Variants in SNPH observed in about 807,000 individuals in gnomAD.
SNPH encodes syntaphilin.
Under a neutral mutation model 36.8 loss-of-function variants are expected in SNPH, and 10 were observed. The observed-to-expected ratio is 0.27, with a 90% CI of 0.17 to 0.46. The LOEUF (loss-of-function observed/expected upper bound fraction) is 0.46, where lower values mean the gene tolerates loss of function less well. Ranked by LOEUF, SNPH falls within the 20% of genes least tolerant of loss-of-function variation. The probability of loss-of-function intolerance (pLI) is 1.00; values close to 1 mark genes in which losing one functional copy is unlikely to be tolerated. For synonymous variants in SNPH, 281 were observed against 312.2 expected (o/e 0.90, Z 1.05); for missense variants, 622 against 744.0 (o/e 0.84, Z 1.91).
chr20:1,306,339 C>G lies in SNPH; in HGVS notation c.*285C>G, dbSNP rs758132158. ...GCGAGGGCCAACCCGGCCCCTCTGT[C>G]CCCTTGGCTCTTCAGACAGGGCCAG... On this transcript the variant is annotated 3_prime_UTR_variant, in exon 7 of 7. Transcript: ENST00000381867. The G allele has an allele frequency of 1.2e-5, 4 of 344,550 alleles. No homozygotes were observed. Among genetic ancestry groups the G allele is most frequent in the African/African-American group, 2.1e-5 (1 of 46,766 alleles). 21.3% of individuals were successfully genotyped at this position (344,550 alleles called of 1,614,324 possible).
chr20:1,297,935 C>A (rs1054975786), intron 5 of SNPH, among the ~76,000 whole-genome samples: 1 of 152,134 alleles, frequency 6.6e-6, no homozygotes, highest in Non-Finnish European at 1.5e-5. Flanking sequence ...GCTTGGAAGG[C>A]GAAATGTTAC....
chr20:1,300,745 C>T (rs1426850090), intron 6 of SNPH, 34 bp downstream of exon 6: 3 of 1,583,760 alleles, frequency 1.9e-6, no homozygotes, highest in Non-Finnish European at 2.6e-6. Flanking sequence ...CCTGGGGGTA[C>T]CCCACCAGCT....
At chr20:1,289,734 C>A (rs2088332816) in intron 2 of SNPH, among the ~76,000 whole-genome samples, 1 of 151,278 alleles carries the variant, frequency 6.6e-6, no homozygotes, top group East Asian at 1.9e-4. Flanking sequence ...AAGGCTGAGG[C>A]AGAAGGATCG....
chr20:1,280,234 A>G (rs2088200848), intron 2 of SNPH, among the ~76,000 whole-genome samples: 1 of 152,040 alleles, frequency 6.6e-6, no homozygotes, highest in African/African-American at 2.4e-5. Flanking sequence ...GCACATATAC[A>G]TGTAGGCTCA....
At chr20:1,277,594 C>CTA (rs2088150689) in intron 2 of SNPH, among the ~76,000 whole-genome samples, 1 of 101,322 alleles carries the variant, frequency 9.9e-6, no homozygotes, top group African/African-American at 3.9e-5. Context: ...GTGTCAGTGT[C>CTA]TGTCTCTGTG....
intron 6 of SNPH, among the ~76,000 whole-genome samples, chr20:1,303,958 C>T (rs749900839): frequency 6.6e-6 from 1 of 152,122 alleles, no homozygotes; most frequent in Non-Finnish European, 1.5e-5. Flanking sequence ...GTTAATCAGT[C>T]GCCATTCTGT....
At chr20:1,292,775 C>A (rs2088378334) in intron 2 of SNPH, among the ~76,000 whole-genome samples, 1 of 152,326 alleles carries the variant, frequency 6.6e-6, no homozygotes, top group Non-Finnish European at 1.5e-5. Flanking sequence ...GAGCAGCCAG[C>A]TGTCACTCAC....
chr20:1,300,480 G>A (rs2088492286), intron 5 of SNPH, 82 bp from the exon 6 acceptor site: 1 of 1,488,744 alleles, frequency 6.7e-7, no homozygotes, highest in Non-Finnish European at 9.3e-7. Flanking sequence ...TGAGGCTGGT[G>A]TCCCCTTGCT....
Position 1,307,554 on chromosome 20 carries a change from C to T in SNPH, c.*1500C>T, listed in dbSNP as rs1253163262. ...GGTTGGAGGGACCCTGTGTCTTACT[C>T]GCCCCTCTGGCCTAAGGGCCACTCT... On this transcript the variant is annotated 3_prime_UTR_variant, in exon 7 of 7. Transcript: ENST00000381867. 6.6e-6 allele frequency: 1 copy of T among 152,542 alleles called. No homozygotes were observed. The highest frequency in any genetic ancestry group is 2.4e-5 in the African/African-American group (1 of 41,474). 9.4% of individuals were successfully genotyped at this position (152,542 alleles called of 1,614,324 possible).
chr20:1,288,746 C>T (rs1294437788), intron 2 of SNPH, among the ~76,000 whole-genome samples: 1 of 151,760 alleles, frequency 6.6e-6, no homozygotes, highest in Non-Finnish European at 1.5e-5. Context: ...CTCAGCATCC[C>T]GAGTAACTGA....
At chr20:1,287,493 G>GCT (rs1246704618) in intron 2 of SNPH, among the ~76,000 whole-genome samples, 1 of 152,092 alleles carries the variant, frequency 6.6e-6, no homozygotes, top group Non-Finnish European at 1.5e-5. Context: ...CCAAGCCCAG[G>GCT]CTCTGTCCCT....
intron 5 of SNPH, among the ~76,000 whole-genome samples, chr20:1,298,962 T>A (rs941634742): frequency 1.3e-5 from 2 of 151,890 alleles, no homozygotes; most frequent in Non-Finnish European, 2.9e-5. Flanking sequence ...AGTTACTTCC[T>A]CTCTAATCCT....
Position 1,307,569 on chromosome 20 carries a change from AG to A in SNPH, c.*1518del, listed in dbSNP as rs1311083606. 2.0e-5 allele frequency: 3 copies of A among 152,602 alleles called. No individual in the cohort carries two copies. The highest frequency in any genetic ancestry group is 4.4e-5 in the Non-Finnish European group (3 of 68,198). 9.5% of individuals were successfully genotyped at this position (152,602 alleles called of 1,614,324 possible). On this transcript the variant is annotated 3_prime_UTR_variant, in exon 7 of 7. Transcript: ENST00000381867. ...GTGTCTTACTCGCCCCTCTGGCCTA[AG>A]GGCCACTCTGGTTATCTGCCAAGGT...
At chr20:1,275,372 C>T (rs996989441) in intron 2 of SNPH, among the ~76,000 whole-genome samples, 2 of 152,276 alleles carry the variant, frequency 1.3e-5, no homozygotes, top group Middle Eastern at 3.4e-3. Flanking sequence ...TCTCTATGGG[C>T]CTCGATTGCT....
Position 1,304,514 on chromosome 20 carries a change from T to TA in SNPH, c.441-360dup, listed in dbSNP as rs1367095744. The stretch of plus-strand genomic sequence containing the variant: ...TATTAGGTTTTTATAGCAGTAGCTA[T>TA]AAAACTTATGAGCATCTTTGTTGTC... On this transcript the variant is annotated intron_variant, in intron 6 of 6. Transcript: ENST00000381867. This position sits in a 1 kb window ranked among gnomAD's most constrained non-coding sequence, Gnocchi z 4.3. 2.6e-5 allele frequency among the ~76,000 whole-genome samples: 4 copies of TA among 151,468 alleles called. No individual in the cohort carries two copies. The highest frequency in any genetic ancestry group is 5.9e-5 in the Non-Finnish European group (4 of 67,954).
chr20:1,284,859 G>A (rs756901574), intron 2 of SNPH, among the ~76,000 whole-genome samples: 2 of 152,152 alleles, frequency 1.3e-5, no homozygotes, highest in Non-Finnish European at 2.9e-5. Context: ...TTGAAAGGAA[G>A]GACCGTTGGA....
At chr20:1,292,969 C>T (rs1047338670) in intron 2 of SNPH, among the ~76,000 whole-genome samples, 1 of 152,214 alleles carries the variant, frequency 6.6e-6, no homozygotes, top group Non-Finnish European at 1.5e-5. Flanking sequence ...TTCCAAAATA[C>T]TGGCTGCCCC....
At chr20:1,270,203 A>T (rs1390726960) in intron 2 of SNPH, among the ~76,000 whole-genome samples, 4 of 152,202 alleles carry the variant, frequency 2.6e-5, no homozygotes, top group African/African-American at 9.7e-5. Flanking sequence ...GTCCTTATTT[A>T]TTAGCTAGGC....
chr20:1,294,235 C>T lies in SNPH; in HGVS notation c.-492-716C>T, dbSNP rs182573174. 2.5e-3 allele frequency among the ~76,000 whole-genome samples: 379 copies of T among 152,250 alleles called. 5 individuals carry two copies. The highest frequency in any genetic ancestry group is 8.5e-3 in the African/African-American group (355 of 41,538). ...AAGGATTGCTGCTTCAAGTAATGGG[C>T]CAAGGCAGACGAGAGCACTCAGCAT... On this transcript the variant is annotated intron_variant, in intron 2 of 6. Transcript: ENST00000381867. The surrounding 1 kb of genome is among the most constrained non-coding windows in gnomAD (Gnocchi z 4.4).
Sources: gnomAD v4.1 joint callset for allele counts (sites outside exome capture counted in the v4.1 genomes callset) on GRCh38, gnomAD v4.1.1 for gene constraint, Gnocchi (gnomAD v3.1) non-coding constraint, MANE v1.5 for transcripts, NCBI Gene and HGNC (gene_info 2026-07-23, HGNC 2026-07-21) for gene names.